ASB14: variants seen among roughly 807,000 people sequenced by gnomAD.
ASB14 encodes the protein ankyrin repeat and SOCS box protein 14.
A neutral mutation model predicts 55.6 loss-of-function variants in ASB14; 63 were observed. The ratio of observed to expected loss-of-function variants is 1.13; its 90% CI spans 0.92 to 1.40. The LOEUF (loss-of-function observed/expected upper bound fraction) is 1.40, where lower values mean the gene tolerates loss of function less well. ASB14 is among the 40% of genes most tolerant of loss of function. ASB14 has a pLI of 0.00. For missense variants in ASB14, 724 were observed against 710.4 expected (o/e 1.02, Z -0.22); for synonymous variants, 256 against 259.9 (o/e 0.98, Z 0.15).
chr3:57,277,712 A>G (rs1579422968), intron 9 of ASB14, 55 bp downstream of exon 9: 10 of 1,476,042 alleles, frequency 6.8e-6, no homozygotes, highest in Non-Finnish European at 9.2e-6. Context: ...AAACAACCAA[A>G]TAAGAATACA....
intron 2 of ASB14, among the ~76,000 whole-genome samples, chr3:57,290,438 T>C (rs996490483): frequency 6.6e-6 from 1 of 152,208 alleles, no homozygotes; most frequent in African/African-American, 2.4e-5. Flanking sequence ...TGGGACCACC[T>C]GGGTAATCCA....
At chr3:57,276,347 G>A (rs193189924) in intron 10 of ASB14, among the ~76,000 whole-genome samples, 181 bp downstream of exon 10, 182 of 151,568 alleles carry the variant, frequency 1.2e-3, no homozygotes, top group Non-Finnish European at 2.0e-3. Context: ...GTGCAGTGGC[G>A]TGATCACAGC....
At position 57,269,593 on chromosome 3, in the gene ASB14, C is replaced by T; in HGVS notation, c.*48G>A. On this transcript the variant is annotated 3_prime_UTR_variant, in exon 11 of 11. Transcript: ENST00000487349. ...GCTGCTTCCAGTAGACCAAACCAAG[C>T]CAGTAGTGAGGGGCAGTTTGTTGTC... The T allele has an allele frequency of 6.2e-7, 1 of 1,613,984 alleles. No homozygotes were observed. The highest frequency in any genetic ancestry group is 8.5e-7 in the Non-Finnish European group (1 of 1,179,984).
intron 7 of ASB14, among the ~76,000 whole-genome samples, chr3:57,279,927 C>T (rs918202564): frequency 1.2e-4 from 18 of 152,012 alleles, no homozygotes; most frequent in African/African-American, 1.7e-4. Context: ...GGGGGGGAAC[C>T]GTGTTAATTA....
chr3:57,268,610 CAG>C lies in ASB14; in HGVS notation c.*1029_*1030del, dbSNP rs2060911807. On this transcript the variant is annotated 3_prime_UTR_variant, in exon 11 of 11. Transcript: ENST00000487349. ...TCTGCTTGTTCAGCCACTTCATAAA[CAG>C]ATGATTCATACCATAGCAGAAAAGG... is the stretch of plus-strand genomic sequence containing the variant. 1 of 1,133,112 alleles carries C rather than the reference CAG, an allele frequency of 8.8e-7. No homozygotes were observed. The highest frequency in any genetic ancestry group is 1.2e-6 in the Non-Finnish European group (1 of 833,892). The allele number at this position is 1,133,112 out of a possible 1,614,324, so 70.2% of individuals were successfully genotyped here.
rs780889937 is a variant in ASB14 at position 57,276,729 on chromosome 3, C to T, written c.1586-1G>A. ...AAATGTTTTAGGGAGCGAGGGTTTG[C>T]TAAAAAGAAAAGGCACATTATCCAA... On this transcript the variant is annotated splice_acceptor_variant, in intron 9 of 10. Transcript: ENST00000487349. LOFTEE classifies it high-confidence loss of function. 6.2e-7 allele frequency: 1 copy of T among 1,602,654 alleles called. No individual in the cohort carries two copies.
chr3:57,269,393 G>A lies in ASB14; in HGVS notation c.*248C>T. 1 of 694,258 alleles carries A rather than the reference G, an allele frequency of 1.4e-6. No homozygotes were observed. Among genetic ancestry groups the A allele is most frequent in the Admixed American group, 3.2e-5 (1 of 31,036 alleles). The allele number at this position is 694,258 out of a possible 1,614,324, so 43.0% of individuals were successfully genotyped here. A position where few individuals can be genotyped will look rare whatever the true frequency, so the allele number is the denominator to read the frequency against. On this transcript the variant is annotated 3_prime_UTR_variant, in exon 11 of 11. Transcript: ENST00000487349. ...ATTCATTTTGGTGTTGTATTGTTTG[G>A]GTGTAGCTTTTCTTTTTATCAAGTT...
intron 7 of ASB14, among the ~76,000 whole-genome samples, chr3:57,279,347 T>C (rs2061019032): frequency 7.2e-6 from 1 of 138,160 alleles, no homozygotes; most frequent in African/African-American, 2.7e-5. Context: ...CAATCTTGGC[T>C]CACTGCAACC....
intron 10 of ASB14, among the ~76,000 whole-genome samples, chr3:57,273,768 T>G (rs1465544702): frequency 2.6e-5 from 4 of 152,222 alleles, no homozygotes; most frequent in Non-Finnish European, 5.9e-5. Flanking sequence ...GGCAGGTTAT[T>G]GTGCATACCA....
Position 57,268,358 on chromosome 3 carries a change from T to C in ASB14, c.*1283A>G. 6.8e-7 allele frequency: 1 copy of C among 1,479,196 alleles called. No individual in the cohort carries two copies. The highest frequency in any genetic ancestry group is 1.4e-5 in the African/African-American group (1 of 70,588). 91.6% of individuals were successfully genotyped at this position (1,479,196 alleles called of 1,614,324 possible). ...TGAAATGTCTAAAATTTAAAGTTAT[T>C]TCATATTTAATTCATTAGTTTTATT... On this transcript the variant is annotated 3_prime_UTR_variant, in exon 11 of 11. Transcript: ENST00000487349.
At position 57,292,131 on chromosome 3, in the gene ASB14, GA is replaced by G. The variant is rs1470839757; in HGVS notation, c.-71-28del. 2.5e-4 allele frequency: 299 copies of G among 1,195,706 alleles called. 2 individuals are homozygous for G. The highest frequency in any genetic ancestry group is 1.8e-5 in the Non-Finnish European group (17 of 927,500). 74.1% of individuals were successfully genotyped at this position (1,195,706 alleles called of 1,614,324 possible). A position where few individuals can be genotyped will look rare whatever the true frequency, so the allele number is the denominator to read the frequency against. On this transcript the variant is annotated intron_variant, in intron 1 of 10. Transcript: ENST00000487349. ...TGCTTAAAATTACAAATGAAATTCAGAAATCTAGAAAATTGGTAGGATTAAC... is the reference window on the plus strand; with the variant it reads ...TGCTTAAAATTACAAATGAAATTCAGAATCTAGAAAATTGGTAGGATTAAC...
chr3:57,268,392 C>G lies in ASB14; in HGVS notation c.*1249G>C, dbSNP rs769603396. 4.5e-6 allele frequency: 7 copies of G among 1,549,218 alleles called. No homozygotes were observed. Among genetic ancestry groups the G allele is most frequent in the Non-Finnish European group, 3.5e-6 (4 of 1,135,112 alleles). On this transcript the variant is annotated 3_prime_UTR_variant, in exon 11 of 11. Coordinates refer to ENST00000487349, the MANE Select transcript of ASB14 (RefSeq NM_001142733.3). ...AATTCATTAGTTTTATTCATCTGTT[C>G]TTTAGGATCGTAGGGCATCAGAAAA...
Position 57,283,179 on chromosome 3 carries a change from A to G in ASB14, c.715+15T>C. 6.4e-7 allele frequency: 1 copy of G among 1,552,180 alleles called. No individual in the cohort carries two copies. The highest frequency in any genetic ancestry group is 1.2e-5 in the South Asian group (1 of 84,034). On this transcript the variant is annotated intron_variant, in intron 6 of 10. Coordinates refer to ENST00000487349, the MANE Select transcript of ASB14 (RefSeq NM_001142733.3). ...TTACCCTTTGTTAGTGTGCTGACCA[A>G]ACAGAAGATCTTGCCTTTCCGCAGT...
intron 5 of ASB14, among the ~76,000 whole-genome samples, chr3:57,286,823 T>C (rs966424985): frequency 6.6e-6 from 1 of 152,234 alleles, no homozygotes; most frequent in Non-Finnish European, 1.5e-5. Flanking sequence ...ACCACCTCCA[T>C]CTTGTCTGTT....
At chr3:57,289,176 T>G in intron 2 of ASB14, 53 bp from the exon 3 acceptor site, 1 of 1,207,920 alleles carries the variant, frequency 8.3e-7, no homozygotes, top group Non-Finnish European at 1.2e-6. Context: ...AAAAAACTGT[T>G]ATCTGATATA....
At chr3:57,283,530 GT>G in intron 5 of ASB14, 91 bp from the exon 6 acceptor site, 1 of 1,345,044 alleles carries the variant, frequency 7.4e-7, no homozygotes, top group Non-Finnish European at 1.0e-6. Context: ...TTCTTAAGGA[GT>G]TCTTCCCACC....
In ASB14 at chr3:57,275,781, G is replaced by T. The variant is rs187698411; in HGVS notation, c.*22+747C>A. 3.3e-5 allele frequency among the ~76,000 whole-genome samples: 5 copies of T among 152,336 alleles called. No individual in the cohort carries two copies. In the East Asian group the frequency reaches 5.8e-4, roughly 18 times the overall value. On this transcript the variant is annotated intron_variant, in intron 10 of 10. Coordinates refer to ENST00000487349, the MANE Select transcript of ASB14 (RefSeq NM_001142733.3). ...CACTAGGCCATGTGTTATATAGCCTGTTGCTCCCGGGCTACAAGCCTGTAC... is the reference window on the plus strand; with the variant it reads ...CACTAGGCCATGTGTTATATAGCCTTTTGCTCCCGGGCTACAAGCCTGTAC...
At chr3:57,276,459 G>T in intron 10 of ASB14, 69 bp downstream of exon 10, 5 of 1,164,910 alleles carry the variant, frequency 4.3e-6, no homozygotes, top group East Asian at 2.5e-5. Context: ...GATTTTAGTT[G>T]GTGGGTAAAG....
In ASB14 at chr3:57,283,262, C is replaced by T. The variant is rs1376991492; in HGVS notation, c.647G>A (p.Gly216Glu). The change falls in exon 6 of 11, where the codon GGA becomes GAA. Residue 216 changes from glycine (G) to glutamate (E), a missense_variant. Physicochemically the swap from Gly to Glu is moderately conservative, Grantham distance 98. Transcript: ENST00000487349. ...GAHPDPQSTY[G>E]FTPLALAAQS... ...GGCAGCAAGAGCAAGAGGAGTGAAT[C>T]CATACGTGCTCTGTGGGTCAGGGTG... The T allele has an allele frequency of 3.2e-6, 5 of 1,552,082 alleles. No individual in the cohort carries two copies. The African/African-American group carries it at 6.8e-5, about 21-fold the overall frequency.
Sources: allele counts gnomAD v4.1 joint callset (sites outside exome capture counted in the v4.1 genomes callset), GRCh38; gene constraint gnomAD v4.1.1; transcripts MANE v1.5; gene names NCBI Gene and HGNC (gene_info 2026-07-23, HGNC 2026-07-21).